Variants in NELL2 observed in about 807,000 individuals in gnomAD.
The protein encoded by NELL2 is protein kinase C-binding protein NELL2.
A neutral mutation model predicts 109.6 loss-of-function variants in NELL2; 41 were observed. The observed-to-expected ratio is 0.37, with a 90% confidence interval of 0.29 to 0.49. NELL2 has a LOEUF of 0.49. Among genes scored for constraint, NELL2 ranks in the 20% least tolerant of loss-of-function variants. The pLI is 0.98. For missense variants in NELL2, 900 were observed against 1,008.3 expected, an observed-to-expected ratio of 0.89 and a Z score of 1.45; for synonymous variants, 355 against 344.7, an observed-to-expected ratio of 1.03 and a Z score of -0.33.
At chr12:44,557,256 C>T (rs1458088614) in intron 15 of NELL2, among the ~76,000 whole-genome samples, 1 of 152,160 alleles carries the variant, frequency 6.6e-6, no homozygotes, top group East Asian at 1.9e-4. Context: ...TTCTGATGTT[C>T]TTCACCAAGG....
At chr12:44,894,516 T>A (rs1436847369) in intron 1 of NELL2, among the ~76,000 whole-genome samples, 1 of 152,224 alleles carries the variant, frequency 6.6e-6, no homozygotes, top group African/African-American at 2.4e-5. Flanking sequence ...TGTAAAGTCA[T>A]GATTACGTTT....
chr12:44,580,596 C>T (rs183322089), intron 15 of NELL2, among the ~76,000 whole-genome samples: 3 of 152,168 alleles, frequency 2.0e-5, no homozygotes, highest in African/African-American at 7.2e-5. Flanking sequence ...ACCTGTAATC[C>T]CAGCTACTCG....
chr12:44,660,194 AGG>A (rs1244770833), intron 13 of NELL2, among the ~76,000 whole-genome samples: 2 of 152,338 alleles, frequency 1.3e-5, no homozygotes, highest in African/African-American at 4.8e-5. Context: ...GGAAATTCAA[AGG>A]GGAACAGGGA....
In NELL2 at chr12:44,881,332, A is replaced by G. The variant is rs565919984; in HGVS notation, c.39-5432T>C. Among the ~76,000 whole-genome samples, 8 of 152,144 alleles carry G rather than the reference A, an allele frequency of 5.3e-5. No homozygotes were observed. The East Asian group carries it at 1.5e-3, about 29-fold the overall frequency. On this transcript the variant is annotated intron_variant, in intron 1 of 20. Transcript: ENST00000333837. Reference sequence around the variant, plus strand: ...CAGATGTTGGAATTATCTGGAAAAGATTAAAGAAACTATTATAAAAATGCT... The same window carrying G: ...CAGATGTTGGAATTATCTGGAAAAGGTTAAAGAAACTATTATAAAAATGCT...
intron 13 of NELL2, among the ~76,000 whole-genome samples, chr12:44,663,613 G>A (rs1450538): frequency 0.16 from 25,093 of 152,104 alleles, 2,168 homozygotes; most frequent in East Asian, 0.21. Flanking sequence ...ACTTTGAAAT[G>A]GTAAGGGAAA....
At chr12:44,716,646 T>C (rs1201046844) in intron 9 of NELL2, among the ~76,000 whole-genome samples, 1 of 152,126 alleles carries the variant, frequency 6.6e-6, no homozygotes, top group South Asian at 2.1e-4. Context: ...ATAAGTACTA[T>C]ATTTTATAAG....
At chr12:44,540,189 A>G (rs570334259) in intron 15 of NELL2, among the ~76,000 whole-genome samples, 2 of 152,338 alleles carry the variant, frequency 1.3e-5, no homozygotes, top group Admixed American at 1.3e-4. Flanking sequence ...AAAACATTTT[A>G]AAATCTCTTC....
chr12:44,702,732 T>G (rs538930595), intron 12 of NELL2, among the ~76,000 whole-genome samples: 1 of 152,302 alleles, frequency 6.6e-6, no homozygotes, highest in African/African-American at 2.4e-5. Flanking sequence ...GAATGATCCC[T>G]TTAGGACTGA....
At chr12:44,517,257 C>T (rs1294247721) in intron 19 of NELL2, among the ~76,000 whole-genome samples, 1 of 151,840 alleles carries the variant, frequency 6.6e-6, no homozygotes, top group African/African-American at 2.4e-5. Flanking sequence ...TTCCTTAGAT[C>T]GAGTTATCTA....
intron 11 of NELL2, among the ~76,000 whole-genome samples, chr12:44,709,526 T>C (rs562273604): frequency 1.6e-4 from 25 of 152,112 alleles, no homozygotes; most frequent in Non-Finnish European, 2.2e-4. Flanking sequence ...AGCACAAGAA[T>C]CACCTAGCCA....
Position 44,642,796 on chromosome 12 carries a change from C to A in NELL2, c.1444+22688G>T, listed in dbSNP as rs536509845. ...ACTTGGGAGGCTGAGGCAGGAGAAC[C>A]ACTGGAACCCAGGAGGCGGAGGTTG... is the stretch of plus-strand genomic sequence containing the variant. On this transcript the variant is annotated intron_variant, in intron 13 of 19. Transcript: ENST00000429094. Among the ~76,000 whole-genome samples, 90 of 152,212 alleles carry A rather than the reference C, an allele frequency of 5.9e-4. No individual in the cohort carries two copies. In the South Asian group the frequency reaches 0.018, roughly 30 times the overall value.
rs1592318048 is a variant in NELL2 at position 44,678,584 on chromosome 12, T to A, written c.1319-12975A>T. ...CTTGGCTGAATATCATCTTAACCTG[T>A]CTTCCAGTCCTCCCACATGCATTGT... On this transcript the variant is annotated intron_variant, in intron 12 of 19. Coordinates refer to ENST00000429094, the MANE Select transcript of NELL2 (RefSeq NM_001145108.2). 2.0e-5 allele frequency among the ~76,000 whole-genome samples: 3 copies of A among 152,074 alleles called. No homozygotes were observed. In the South Asian group the frequency reaches 6.2e-4, roughly 31 times the overall value.
chr12:44,749,111 G>C (rs975758249), intron 9 of NELL2, among the ~76,000 whole-genome samples: 5 of 152,054 alleles, frequency 3.3e-5, no homozygotes, highest in Admixed American at 2.0e-4. Flanking sequence ...CATTGACAAG[G>C]GTTTGAATCA....
intron 2 of NELL2, among the ~76,000 whole-genome samples, chr12:44,837,949 C>T (rs568365741): frequency 6.6e-6 from 1 of 152,250 alleles, no homozygotes; most frequent in African/African-American, 2.4e-5. Flanking sequence ...AGTAGAAGTA[C>T]AAATCGCCGC....
At chr12:44,753,485 A>G (rs879921472) in intron 9 of NELL2, among the ~76,000 whole-genome samples, 1 of 152,214 alleles carries the variant, frequency 6.6e-6, no homozygotes, top group African/African-American at 2.4e-5. Context: ...ATGTGGCTCA[A>G]AACGCAGCAA....
At chr12:44,510,039 T>C (rs997735168) in intron 19 of NELL2, among the ~76,000 whole-genome samples, 1 of 152,138 alleles carries the variant, frequency 6.6e-6, no homozygotes, top group African/African-American at 2.4e-5. Context: ...GCATAATTAG[T>C]TTTTGATATA....
At chr12:44,689,033 G>A (rs1248727946) in intron 12 of NELL2, among the ~76,000 whole-genome samples, 1 of 152,160 alleles carries the variant, frequency 6.6e-6, no homozygotes, top group Non-Finnish European at 1.5e-5. Context: ...TAATATTACA[G>A]GCTGTGGATA....
At chr12:44,755,015 TCC>T (rs1940821202) in intron 9 of NELL2, among the ~76,000 whole-genome samples, 1 of 152,158 alleles carries the variant, frequency 6.6e-6, no homozygotes, top group Non-Finnish European at 1.5e-5. Flanking sequence ...CACTAACATT[TCC>T]AATGCATTGT....
intron 15 of NELL2, among the ~76,000 whole-genome samples, chr12:44,589,748 C>A (rs1445523458): frequency 6.6e-6 from 1 of 152,156 alleles, no homozygotes; most frequent in Non-Finnish European, 1.5e-5. Flanking sequence ...TTGTTTGTAA[C>A]AAAGGAAAAC....
Sources: gnomAD v4.1 joint callset for allele counts (sites outside exome capture counted in the v4.1 genomes callset) on GRCh38, gnomAD v4.1.1 for gene constraint, MANE v1.5 for transcripts, NCBI Gene and HGNC (gene_info 2026-07-23, HGNC 2026-07-21) for gene names.